The following OR8D4 variants were observed in gnomAD, a reference collection of about 807,000 sequenced individuals.
The protein encoded by OR8D4 is olfactory receptor family 8 subfamily D member 4.
For synonymous variants in OR8D4, 141 were observed against 134.8 expected, an observed-to-expected ratio of 1.05 and a Z score of -0.32; for missense variants, 359 against 372.6, an observed-to-expected ratio of 0.96 and a Z score of 0.30.
At chr11:123,906,357 T>C (rs1293507935) in intron 1 of OR8D4, 60 bp from the exon 2 acceptor site, 11 of 1,045,422 alleles carry the variant, frequency 1.1e-5, no homozygotes, top group African/African-American at 1.6e-5. Flanking sequence ...AACACTGATA[T>C]TTGTTTTCTA....
chr11:123,907,162 A>AG lies in OR8D4; in HGVS notation c.731_732insG (p.His244GlnfsTer22). Reference sequence around the variant, plus strand: ...AAAGCGTTTAGCACCTGTAGCTCCCACCTGACAGCTGTTCTTATGTTTTAT... The same window carrying AG: ...AAAGCGTTTAGCACCTGTAGCTCCCAGCCTGACAGCTGTTCTTATGTTTTAT... On this transcript the variant is annotated frameshift_variant, in exon 2 of 2. Coordinates refer to ENST00000641687, the MANE Select transcript of OR8D4 (RefSeq NM_001005197.2). LOFTEE classifies it low-confidence loss of function (END_TRUNC). 1.2e-6 allele frequency: 2 copies of AG among 1,613,714 alleles called. No individual in the cohort carries two copies. Among genetic ancestry groups the AG allele is most frequent in the Non-Finnish European group, 1.7e-6 (2 of 1,179,740 alleles).
intron 1 of OR8D4, among the ~76,000 whole-genome samples, chr11:123,905,361 G>T (rs1301564533): frequency 6.6e-6 from 1 of 152,214 alleles, no homozygotes; most frequent in African/African-American, 2.4e-5. Flanking sequence ...AAAGTGTGAA[G>T]TTGGCCTATC....
intron 1 of OR8D4, among the ~76,000 whole-genome samples, chr11:123,904,515 T>C (rs1863184753): frequency 6.6e-6 from 1 of 152,160 alleles, no homozygotes; most frequent in South Asian, 2.1e-4. Context: ...CACACATGAA[T>C]GCTAACTGGT....
chr11:123,907,943 GA>G lies in OR8D4; in HGVS notation c.*569del, dbSNP rs1863219961. On this transcript the variant is annotated 3_prime_UTR_variant, in exon 2 of 2. Transcript: ENST00000641687. ...CAACAATTTTTATCTTTAGTTTCCT[GA>G]ATCCAAGCCCAAAAGGAAATCATCA... 1 of 151,968 alleles carries G rather than the reference GA, an allele frequency of 6.6e-6. No homozygotes were observed. Among genetic ancestry groups the G allele is most frequent in the African/African-American group, 2.4e-5 (1 of 41,374 alleles). 9.4% of individuals were successfully genotyped at this position (151,968 alleles called of 1,614,324 possible).
intron 1 of OR8D4, among the ~76,000 whole-genome samples, chr11:123,905,238 T>C (rs1320250049): frequency 6.6e-6 from 1 of 152,136 alleles, no homozygotes; most frequent in Non-Finnish European, 1.5e-5. Flanking sequence ...CGAATTAATT[T>C]CCCACCTGGA....
Position 123,907,393 on chromosome 11 carries a change from G to A in OR8D4, c.*17G>A, listed in dbSNP as rs532752573. ...CCAGGATAAATATGCTCTTTATTAA[G>A]ATCTATTTCTGTATTCATAATCATG... On this transcript the variant is annotated 3_prime_UTR_variant, in exon 2 of 2. Transcript: ENST00000641687. 3 of 993,466 alleles carry A rather than the reference G, an allele frequency of 3.0e-6. No homozygotes were observed. Among genetic ancestry groups the A allele is most frequent in the Non-Finnish European group, 4.5e-6 (3 of 660,872 alleles). 61.5% of individuals were successfully genotyped at this position (993,466 alleles called of 1,614,324 possible).
At position 123,907,300 on chromosome 11, in the gene OR8D4, A is replaced by G; in HGVS notation, c.869A>G (p.Tyr290Cys). 1 of 1,590,256 alleles carries G rather than the reference A, an allele frequency of 6.3e-7. No homozygotes were observed. ...TVILMLNPLI[Y>C]SLRNNEVRNA... ...ATTCTCATGTTGAATCCCTTGATATATAGTCTGAGGAACAATGAAGTAAGA... is the reference window on the plus strand; with the variant it reads ...ATTCTCATGTTGAATCCCTTGATATGTAGTCTGAGGAACAATGAAGTAAGA... The change falls in exon 2 of 2, where the codon TAT becomes TGT. Residue 290 changes from tyrosine (Y) to cysteine (C), a missense_variant. Physicochemically the swap from Tyr to Cys is radical, Grantham distance 194. Coordinates refer to ENST00000641687, the MANE Select transcript of OR8D4 (RefSeq NM_001005197.2).
intron 1 of OR8D4, among the ~76,000 whole-genome samples, chr11:123,902,565 T>C (rs1863168823): frequency 6.6e-6 from 1 of 152,210 alleles, no homozygotes. Flanking sequence ...TCTCATTTGA[T>C]TTGCATAACA....
intron 1 of OR8D4, among the ~76,000 whole-genome samples, chr11:123,902,780 AG>A (rs1185500271): frequency 1.3e-5 from 2 of 152,080 alleles, no homozygotes; most frequent in Non-Finnish European, 2.9e-5. Flanking sequence ...TTAGGGAAAA[AG>A]ATCACATTCT....
rs762554831 is a variant in OR8D4 at position 123,906,507 on chromosome 11, C to A, written c.76C>A (p.Pro26Thr). The A allele has an allele frequency of 7.4e-6, 12 of 1,613,684 alleles. No homozygotes were observed. The African/African-American group carries it at 1.6e-4, about 22-fold the overall frequency. ...GLTEQAELQL[P>T]LFCLFLGIYT... ...AACTGAACAAGCAGAGCTTCAGCTG[C>A]CCCTCTTCTGCCTCTTCTTAGGAAT... Residue 26 changes from proline (P) to threonine (T), a missense_variant, in exon 2 of 2, where the codon CCC becomes ACC. Coordinates refer to ENST00000641687, the MANE Select transcript of OR8D4 (RefSeq NM_001005197.2).
rs376020218 is a variant in OR8D4 at position 123,906,842 on chromosome 11, C to T, written c.411C>T (p.Ser137=). 3 of 1,613,902 alleles carry T rather than the reference C, an allele frequency of 1.9e-6. No individual in the cohort carries two copies. The highest frequency in any genetic ancestry group is 2.2e-5 in the South Asian group (2 of 91,064). ...CACTGCTCTACAGGGTCATCATGTC[C>T]CCTAGGGTCTGTTCTCTGCTGGTGG... ...CSPLLYRVIM[S]PRVCSLLVAA... is the part of the protein sequence containing the mutation. Residue 137 remains serine, a synonymous_variant, in exon 2 of 2, where the codon TCC becomes TCT. Coordinates refer to ENST00000641687, the MANE Select transcript of OR8D4 (RefSeq NM_001005197.2).
intron 1 of OR8D4, among the ~76,000 whole-genome samples, chr11:123,903,740 A>G (rs934655049): frequency 6.6e-6 from 1 of 152,156 alleles, no homozygotes; most frequent in Non-Finnish European, 1.5e-5. Flanking sequence ...TTTTCTTCCT[A>G]CAAATGCAAA....
rs1458294913 is a variant in OR8D4 at position 123,908,726 on chromosome 11, A to C, written c.*1350A>C. 1 of 152,234 alleles carries C rather than the reference A, an allele frequency of 6.6e-6. No individual in the cohort carries two copies. The highest frequency in any genetic ancestry group is 1.5e-5 in the Non-Finnish European group (1 of 68,036). The allele number at this position is 152,234 out of a possible 1,614,324, so 9.4% of individuals were successfully genotyped here. ...ACTCTCAATAGAGCTCTTTGAAGAA[A>C]GGACATTTGAAATGAAACCTAAATG... On this transcript the variant is annotated 3_prime_UTR_variant, in exon 2 of 2. Coordinates refer to ENST00000641687, the MANE Select transcript of OR8D4 (RefSeq NM_001005197.2).
chr11:123,906,545 T>C lies in OR8D4; in HGVS notation c.114T>C (p.Thr38=). The change falls in exon 2 of 2, where the codon ACT becomes ACC. Residue 38 remains threonine, a synonymous_variant. Transcript: ENST00000641687. ...TCTTCTTAGGAATTTACACAGTTAC[T>C]GTGGTGGGAAACCTCAGCATGATCT... ...FCLFLGIYTV[T]VVGNLSMISI... 1 of 1,613,896 alleles carries C rather than the reference T, an allele frequency of 6.2e-7. No individual in the cohort carries two copies.
At chr11:123,906,292 T>C (rs748180717) in intron 1 of OR8D4, 125 bp from the exon 2 acceptor site, 5 of 605,034 alleles carry the variant, frequency 8.3e-6, no homozygotes, top group Non-Finnish European at 1.4e-5. Context: ...CCATTTCATC[T>C]GAGTGTTCAC....
chr11:123,907,163 C>A lies in OR8D4; in HGVS notation c.732C>A (p.His244Gln). 1 of 1,613,776 alleles carries A rather than the reference C, an allele frequency of 6.2e-7. No individual in the cohort carries two copies. The highest frequency in any genetic ancestry group is 8.5e-7 in the Non-Finnish European group (1 of 1,179,788). The change falls in exon 2 of 2, where the codon CAC (histidine) becomes CAA (glutamine). Residue 244 changes from histidine (H) to glutamine (Q), a missense_variant. His to Gln is a conservative substitution (Grantham distance 24). Transcript: ENST00000641687. ...AAGCGTTTAGCACCTGTAGCTCCCA[C>A]CTGACAGCTGTTCTTATGTTTTATG... is the stretch of plus-strand genomic sequence containing the variant. ...RCKAFSTCSS[H>Q]LTAVLMFYGS...
At chr11:123,904,501 A>C (rs567326712) in intron 1 of OR8D4, among the ~76,000 whole-genome samples, 2 of 152,146 alleles carry the variant, frequency 1.3e-5, no homozygotes, top group Non-Finnish European at 2.9e-5. Flanking sequence ...CTGTGACTAG[A>C]CTACACACAT....
chr11:123,904,899 G>A (rs1338475306), intron 1 of OR8D4, among the ~76,000 whole-genome samples: 1 of 152,110 alleles, frequency 6.6e-6, no homozygotes, highest in Non-Finnish European at 1.5e-5. Flanking sequence ...CTAGACAATT[G>A]AGCCATTTGG....
intron 1 of OR8D4, 37 bp from the exon 2 acceptor site, chr11:123,906,380 C>A: frequency 8.2e-7 from 1 of 1,212,304 alleles, no homozygotes; most frequent in South Asian, 1.5e-5. Context: ...GAAACAAACA[C>A]TGATAGAATT....
Sources: allele counts gnomAD v4.1 joint callset (sites outside exome capture counted in the v4.1 genomes callset), GRCh38; gene constraint gnomAD v4.1.1; transcripts MANE v1.5; gene names NCBI Gene and HGNC (gene_info 2026-07-23, HGNC 2026-07-21).